Variants in DYTN observed in about 807,000 individuals in gnomAD.
DYTN encodes dystrotelin.
DYTN carries 75 observed loss-of-function variants against 69.6 expected under a neutral mutation model. That is an observed-to-expected ratio of 1.08 (90% CI 0.89 to 1.31). The LOEUF is 1.31. DYTN is among the 50% of genes most tolerant of loss of function. The pLI is 0.00. For synonymous variants in DYTN, 252 were observed against 249.1 expected, an observed-to-expected ratio of 1.01 and a Z score of -0.11; for missense variants, 726 against 688.4, an observed-to-expected ratio of 1.05 and a Z score of -0.61.
chr2:206,694,689 GA>G, intron 8 of DYTN, 76 bp downstream of exon 8: 1 of 1,196,832 alleles, frequency 8.4e-7, no homozygotes. Flanking sequence ...GGTTTCACTG[GA>G]GGGAAGGTTT....
At chr2:206,659,225 G>A (rs1699480775) in intron 11 of DYTN, among the ~76,000 whole-genome samples, 1 of 131,716 alleles carries the variant, frequency 7.6e-6, no homozygotes, top group Non-Finnish European at 1.5e-5. Flanking sequence ...AGGTTGGAGT[G>A]CACGGGCGCG....
intron 5 of DYTN, among the ~76,000 whole-genome samples, chr2:206,701,449 C>G (rs1344687452): frequency 2.6e-5 from 4 of 152,136 alleles, no homozygotes; most frequent in African/African-American, 9.7e-5. Flanking sequence ...CAGAATAGTA[C>G]TCAGCCTTAG....
chr2:206,707,474 G>T lies in DYTN; in HGVS notation c.124C>A (p.Gln42Lys). 1 of 1,611,292 alleles carries T rather than the reference G, an allele frequency of 6.2e-7. No individual in the cohort carries two copies. The highest frequency in any genetic ancestry group is 8.5e-7 in the Non-Finnish European group (1 of 1,178,902). Reference protein sequence around the residue: ...LDLIDSSLIQQVLLRPSFWEA... With the variant: ...LDLIDSSLIQKVLLRPSFWEA... The stretch of plus-strand genomic sequence containing the variant: ...CAGAAACTTGGACGCAGTAGGACCT[G>T]CTGAATCAGGGAGCTGTCAATCAAG... The change falls in exon 3 of 12, where the codon CAG (glutamine) becomes AAG (lysine). Residue 42 changes from glutamine (Q) to lysine (K), a missense_variant. Coordinates refer to ENST00000452335, the MANE Select transcript of DYTN (RefSeq NM_001093730.1).
chr2:206,704,671 TTATGAG>T (rs1177366248), intron 5 of DYTN, among the ~76,000 whole-genome samples, 166 bp downstream of exon 5: 4 of 152,232 alleles, frequency 2.6e-5, no homozygotes, highest in Non-Finnish European at 4.4e-5. Context: ...ACTCATAACC[TTATGAG>T]TATAAGTTAA....
chr2:206,673,461 T>C (rs1337454309), intron 9 of DYTN, among the ~76,000 whole-genome samples: 2 of 152,158 alleles, frequency 1.3e-5, no homozygotes, highest in Non-Finnish European at 2.9e-5. Flanking sequence ...TTTCACCACA[T>C]TGGCCAGGCT....
At chr2:206,661,326 T>C (rs763314779) in intron 11 of DYTN, among the ~76,000 whole-genome samples, 2 of 152,230 alleles carry the variant, frequency 1.3e-5, no homozygotes, top group East Asian at 1.9e-4. Flanking sequence ...GAAGGCCTCC[T>C]CTGATGCAAA....
At chr2:206,714,164 G>T (rs927656471) in intron 1 of DYTN, among the ~76,000 whole-genome samples, 2 of 152,174 alleles carry the variant, frequency 1.3e-5, no homozygotes, top group African/African-American at 4.8e-5. Context: ...TCCTCTGGGA[G>T]ATCTAACAGT....
intron 7 of DYTN, among the ~76,000 whole-genome samples, chr2:206,697,674 C>T (rs191947346): frequency 5.9e-5 from 9 of 152,290 alleles, no homozygotes; most frequent in Non-Finnish European, 8.8e-5. Context: ...AACAAAAACC[C>T]CAAACTGAGG....
chr2:206,659,519 G>A (rs962488546), intron 11 of DYTN, among the ~76,000 whole-genome samples: 4 of 144,882 alleles, frequency 2.8e-5, no homozygotes, highest in South Asian at 2.2e-4. Flanking sequence ...AAACTGGATC[G>A]GTAGGGTGAT....
At chr2:206,689,649 G>T (rs1161069282) in intron 9 of DYTN, among the ~76,000 whole-genome samples, 1 of 152,168 alleles carries the variant, frequency 6.6e-6, no homozygotes, top group African/African-American at 2.4e-5. Context: ...CAATTAACAG[G>T]TAAAGAAACT....
At chr2:206,690,858 G>A (rs1699855442) in intron 9 of DYTN, among the ~76,000 whole-genome samples, 1 of 152,146 alleles carries the variant, frequency 6.6e-6, no homozygotes, top group South Asian at 2.1e-4. Flanking sequence ...TCATATGTGA[G>A]GCAGAATCAG....
At chr2:206,702,886 A>G (rs1225746190) in intron 5 of DYTN, among the ~76,000 whole-genome samples, 1 of 152,212 alleles carries the variant, frequency 6.6e-6, no homozygotes, top group Non-Finnish European at 1.5e-5. Flanking sequence ...TCTAGGAAGA[A>G]TTAAACATGG....
At chr2:206,652,403 C>A (rs1055085880) in intron 11 of DYTN, among the ~76,000 whole-genome samples, 2 of 152,114 alleles carry the variant, frequency 1.3e-5, no homozygotes, top group Non-Finnish European at 2.9e-5. Flanking sequence ...GTTTGAGTGT[C>A]CCCTATGATC....
chr2:206,713,743 G>A (rs1700101401), intron 1 of DYTN, among the ~76,000 whole-genome samples: 1 of 152,170 alleles, frequency 6.6e-6, no homozygotes, highest in South Asian at 2.1e-4. Flanking sequence ...ATTCCAATTA[G>A]AGTTTACACC....
chr2:206,714,338 G>A (rs1229247785), intron 1 of DYTN, among the ~76,000 whole-genome samples: 1 of 152,206 alleles, frequency 6.6e-6, no homozygotes, highest in Non-Finnish European at 1.5e-5. Flanking sequence ...GAGTAGCTGG[G>A]ATTACAGGCG....
chr2:206,716,314 C>T (rs1700130457), intron 1 of DYTN, among the ~76,000 whole-genome samples: 1 of 152,002 alleles, frequency 6.6e-6, no homozygotes, highest in Non-Finnish European at 1.5e-5. Flanking sequence ...CCAGAGCCAC[C>T]CCAGGCCAGA....
At chr2:206,662,823 G>C in intron 11 of DYTN, 80 bp downstream of exon 11, 1 of 1,527,976 alleles carries the variant, frequency 6.5e-7, no homozygotes, top group Admixed American at 2.1e-5. Flanking sequence ...GGAGCTGTTG[G>C]GCTGTTATAA....
chr2:206,651,909 G>A lies in DYTN; in HGVS notation c.1646C>T (p.Ser549Leu), dbSNP rs749075736. The change falls in exon 12 of 12, where the codon TCA becomes TTA. Residue 549 changes from serine (S) to leucine (L), a missense_variant. Coordinates refer to ENST00000452335, the MANE Select transcript of DYTN (RefSeq NM_001093730.1). ...NLETPSGPESSVNMDLYSGAQ... is the reference protein window; with the variant it reads ...NLETPSGPESLVNMDLYSGAQ... The stretch of plus-strand genomic sequence containing the variant: ...TCCACTGTACAGGTCCATGTTTACT[G>A]AAGACTCCGGGCCTGAAATCAACAA... 1.2e-6 allele frequency: 2 copies of A among 1,612,860 alleles called. No individual in the cohort carries two copies. Among genetic ancestry groups the A allele is most frequent in the African/African-American group, 2.7e-5 (2 of 74,874 alleles).
chr2:206,711,320 CCTGAGCA>C (rs569617119), intron 1 of DYTN, among the ~76,000 whole-genome samples: 155 of 152,312 alleles, frequency 1.0e-3, no homozygotes, highest in African/African-American at 3.7e-3. Context: ...AGCGAGCATT[CCTGAGCA>C]CTGAGTGTGT....
Sources: gnomAD v4.1 joint callset for allele counts (sites outside exome capture counted in the v4.1 genomes callset) on GRCh38, gnomAD v4.1.1 for gene constraint, MANE v1.5 for transcripts, NCBI Gene and HGNC (gene_info 2026-07-23, HGNC 2026-07-21) for gene names.